Variants in STRADA observed in about 807,000 individuals in gnomAD.
The protein encoded by STRADA is STE20 related adaptor alpha.
STRADA carries 26 observed loss-of-function variants against 55.0 expected under a neutral mutation model. The observed-to-expected ratio is 0.47, with a 90% CI of 0.35 to 0.66. The LOEUF (loss-of-function observed/expected upper bound fraction) is 0.66. STRADA is among the 30% of genes least tolerant of loss of function. The pLI, the probability that STRADA is intolerant of heterozygous loss-of-function variation, is 0.01. For synonymous variants in STRADA, 197 were observed against 210.9 expected (o/e 0.93, Z 0.57); for missense variants, 443 against 549.7 (o/e 0.81, Z 1.94).
chr17:63,727,956 T>C (rs930167697), intron 2 of STRADA: 1 of 165,724 alleles, frequency 6.0e-6, no homozygotes, highest in East Asian at 1.7e-4. Context: ...TGATATTACT[T>C]AGAAAAAAGT....
chr17:63,739,615 AT>A (rs1278463098), intron 1 of STRADA, among the ~76,000 whole-genome samples: 1 of 151,546 alleles, frequency 6.6e-6, no homozygotes, highest in African/African-American at 2.4e-5. Context: ...ATCCACACTT[AT>A]CAAAAATTAA....
chr17:63,736,059 A>T (rs2038399921), intron 1 of STRADA, among the ~76,000 whole-genome samples: 1 of 152,014 alleles, frequency 6.6e-6, no homozygotes, highest in Non-Finnish European at 1.5e-5. Context: ...CTCCTGCCTC[A>T]GCCTCCGGAG....
chr17:63,726,829 T>C, intron 2 of STRADA, 134 bp from the exon 3 acceptor site: 1 of 830,576 alleles, frequency 1.2e-6, no homozygotes, highest in Non-Finnish European at 1.9e-6. Flanking sequence ...ATCATTTCTA[T>C]GGAAAAGTTT....
intron 8 of STRADA, among the ~76,000 whole-genome samples, chr17:63,710,166 GC>G (rs1568182331): frequency 1.3e-5 from 2 of 151,142 alleles, no homozygotes; most frequent in Non-Finnish European, 2.9e-5. Context: ...TGTAGTCCCA[GC>G]TACTGGGACT....
chr17:63,738,160 G>C (rs2038586043), intron 1 of STRADA, among the ~76,000 whole-genome samples: 1 of 151,390 alleles, frequency 6.6e-6, no homozygotes, highest in Admixed American at 6.6e-5. Flanking sequence ...GGCCAATATA[G>C]TGAAACGCCG....
intron 3 of STRADA, among the ~76,000 whole-genome samples, chr17:63,724,749 G>A (rs548785338): frequency 1.2e-4 from 19 of 152,114 alleles, no homozygotes; most frequent in Admixed American, 6.5e-5. Context: ...TCCCATTAAT[G>A]ATGGGAAGAA....
chr17:63,732,486 TA>T lies in STRADA; in HGVS notation c.-44-4074del, dbSNP rs78463501. Among the ~76,000 whole-genome samples the T allele has an allele frequency of 5.0e-3, 690 of 138,876 alleles. 1 individual carries two copies. Among genetic ancestry groups the T allele is most frequent in the South Asian group, 4.8e-3 (21 of 4,352 alleles). 91.1% of individuals were successfully genotyped at this position (138,876 alleles called of 152,430 possible). On this transcript the variant is annotated intron_variant, in intron 1 of 12. Transcript: ENST00000336174. ...AGGTGTGAGAAGCTGCCTGGCTAGT[TA>T]AAAAAAAAAAAAAAATTGCTTGTGT...
chr17:63,707,958 C>T (rs900480101), intron 8 of STRADA, among the ~76,000 whole-genome samples: 5 of 150,896 alleles, frequency 3.3e-5, no homozygotes, highest in African/African-American at 1.2e-4. Flanking sequence ...AGGATGGTCT[C>T]GATCTCCCGA....
intron 1 of STRADA, among the ~76,000 whole-genome samples, chr17:63,736,356 G>A (rs1399470196): frequency 1.3e-5 from 2 of 151,710 alleles, no homozygotes; most frequent in Non-Finnish European, 2.9e-5. Flanking sequence ...AGCCGGGCGC[G>A]GTGGCTCACT....
At chr17:63,723,220 C>T in intron 4 of STRADA, 78 bp downstream of exon 4, 2 of 1,481,088 alleles carry the variant, frequency 1.4e-6, no homozygotes, top group Non-Finnish European at 1.9e-6. Flanking sequence ...AAATGATAAG[C>T]CAACAAAACA....
At chr17:63,710,033 T>TTA (rs2036386814) in intron 8 of STRADA, among the ~76,000 whole-genome samples, 2 of 121,302 alleles carry the variant, frequency 1.6e-5, no homozygotes. Context: ...TCCTTCTCTC[T>TTA]TTTTTTTTTT....
chr17:63,716,068 T>TTTACACTC (rs950992662), intron 4 of STRADA, among the ~76,000 whole-genome samples: 2 of 152,010 alleles, frequency 1.3e-5, no homozygotes, highest in African/African-American at 4.8e-5. Context: ...GTTATACCAA[T>TTTACACTC]TTACACTCCC....
chr17:63,713,145 A>G (rs2036619535), intron 6 of STRADA, among the ~76,000 whole-genome samples: 1 of 152,224 alleles, frequency 6.6e-6, no homozygotes, highest in Admixed American at 6.5e-5. Context: ...TGCCATGAGC[A>G]AGTTACTTAG....
chr17:63,714,092 G>A lies in STRADA; in HGVS notation c.140C>T (p.Ser47Leu). ...TTTAGAGAAGGATGCTATTGACTCT[G>A]AGCTCGCATCATTGGTCTAAAAAAG... ...DTRRKTNDAS[S>L]ESIASFSKQE... Residue 47 changes from serine to leucine, a missense_variant, in exon 5 of 13, where the codon TCA becomes TTA. Ser to Leu is a moderately radical substitution (Grantham distance 145). Coordinates refer to ENST00000336174, the MANE Select transcript of STRADA (RefSeq NM_001003787.4). 6.2e-7 allele frequency: 1 copy of A among 1,613,238 alleles called. No homozygotes were observed. Among genetic ancestry groups the A allele is most frequent in the Non-Finnish European group, 8.5e-7 (1 of 1,179,500 alleles).
At position 63,708,673 on chromosome 17, in the gene STRADA, T is replaced by C. The variant is rs140528071; in HGVS notation, c.582-1255A>G. 3.2e-4 allele frequency among the ~76,000 whole-genome samples: 49 copies of C among 152,214 alleles called. 3 individuals are homozygous for C. The East Asian group carries it at 8.9e-3, about 28-fold the overall frequency. ...CCTCAGCCTCCTGAGTAGCTGGGAT[T>C]ACAGGCACCTGCCACCATGCCCGGC... On this transcript the variant is annotated intron_variant, in intron 8 of 12. Coordinates refer to ENST00000336174, the MANE Select transcript of STRADA (RefSeq NM_001003787.4).
chr17:63,707,964 C>T (rs1344800909), intron 8 of STRADA, among the ~76,000 whole-genome samples: 1 of 151,706 alleles, frequency 6.6e-6, no homozygotes, highest in Non-Finnish European at 1.5e-5. Flanking sequence ...GTCTCGATCT[C>T]CCGACCTCGT....
chr17:63,707,371 T>C lies in STRADA; in HGVS notation c.629A>G (p.Tyr210Cys), dbSNP rs753694353. 1.2e-6 allele frequency: 2 copies of C among 1,614,116 alleles called. No homozygotes were observed. Among genetic ancestry groups the C allele is most frequent in the East Asian group, 2.2e-5 (1 of 44,880 alleles). The change falls in exon 9 of 13, where the codon TAC becomes TGC. Residue 210 changes from tyrosine (Y) to cysteine (C), a missense_variant. Transcript: ENST00000336174. ...HILISVDGKV[Y>C]LSGLRSNLSM... is the part of the protein sequence containing the mutation. ...GAGGTTGCTGCGCAAACCAGACAGGTAGACCTTCCCATCCACAGAGATCAG... is the reference window on the plus strand; with the variant it reads ...GAGGTTGCTGCGCAAACCAGACAGGCAGACCTTCCCATCCACAGAGATCAG...
chr17:63,728,228 G>GT, intron 2 of STRADA, 106 bp downstream of exon 2: 1 of 1,027,162 alleles, frequency 9.7e-7, no homozygotes, highest in Non-Finnish European at 1.5e-6. Context: ...CCTCACTTCC[G>GT]TATCATTCCG....
rs1309095081 is a variant in STRADA at position 63,740,107 on chromosome 17, T to TATATATATATATATATATATATATAC, written c.-45+1633_-45+1634insGTATATATATATATATATATATATAT. Among the ~76,000 whole-genome samples, 159 of 49,594 alleles carry TATATATATATATATATATATATATAC rather than the reference T, an allele frequency of 3.2e-3. 14 individuals carry two copies. The highest frequency in any genetic ancestry group is 9.5e-3 in the African/African-American group (100 of 10,520). 32.5% of individuals were successfully genotyped at this position (49,594 alleles called of 152,430 possible). A position where few individuals can be genotyped will look rare whatever the true frequency, so the allele number is the denominator to read the frequency against. On this transcript the variant is annotated intron_variant, in intron 1 of 12. Coordinates refer to ENST00000336174, the MANE Select transcript of STRADA (RefSeq NM_001003787.4). ...AACACTATATATATATATATATATA[T>TATATATATATATATATATATATATAC]ACATACATACATATATATATACACA...
Sources: allele counts gnomAD v4.1 joint callset (sites outside exome capture counted in the v4.1 genomes callset), GRCh38; gene constraint gnomAD v4.1.1; transcripts MANE v1.5; gene names NCBI Gene and HGNC (gene_info 2026-07-23, HGNC 2026-07-21).